Variants in FBN1 observed in about 807,000 individuals in gnomAD.
FBN1 encodes the protein fibrillin 1.
Under a neutral mutation model 365.1 loss-of-function variants are expected in FBN1, and 29 were observed. The observed-to-expected ratio is 0.08, with a 90% CI of 0.06 to 0.11. The LOEUF is 0.11. Ranked by LOEUF, FBN1 falls within the 10% of genes least tolerant of loss-of-function variation. FBN1 has a pLI of 1.00. For synonymous variants in FBN1, 1,210 were observed against 1,270.5 expected, an observed-to-expected ratio of 0.95 and a Z score of 1.01; for missense variants, 2,476 against 3,703.2, an observed-to-expected ratio of 0.67 and a Z score of 8.60.
chr15:48,643,419 A>T (rs1364084440), intron 2 of FBN1: 1 of 152,158 alleles, frequency 6.6e-6, no homozygotes, highest in Non-Finnish European at 1.5e-5. Context: ...GGCTCATACA[A>T]TCATCTTGTC....
intron 49 of FBN1, among the ~76,000 whole-genome samples, chr15:48,443,516 A>T (rs886542574): frequency 1.3e-5 from 2 of 152,220 alleles, no homozygotes; most frequent in Non-Finnish European, 2.9e-5. Context: ...TGCTTAAAAA[A>T]TTTGCATCTA....
At chr15:48,569,123 C>T (rs981478959) in intron 6 of FBN1, among the ~76,000 whole-genome samples, 1 of 152,124 alleles carries the variant, frequency 6.6e-6, no homozygotes, top group South Asian at 2.1e-4. Flanking sequence ...ACAAGGAACT[C>T]TTACAACTCA....
chr15:48,566,007 T>G (rs891298132), intron 6 of FBN1, among the ~76,000 whole-genome samples: 9 of 152,202 alleles, frequency 5.9e-5, no homozygotes, highest in African/African-American at 1.2e-4. Context: ...AACCAGAATT[T>G]TTTTCTTACC....
chr15:48,638,736 C>G (rs1597648947), intron 2 of FBN1, among the ~76,000 whole-genome samples: 2 of 151,406 alleles, frequency 1.3e-5, no homozygotes, highest in Non-Finnish European at 1.5e-5. Flanking sequence ...TATGACTGGT[C>G]GTGATTTAAG....
Position 48,508,563 on chromosome 15 carries a change from A to G in FBN1, c.1837+19T>C, listed in dbSNP as rs1427679160. 1 of 1,613,530 alleles carries G rather than the reference A, an allele frequency of 6.2e-7. No individual in the cohort carries two copies. Among genetic ancestry groups the G allele is most frequent in the African/African-American group, 1.3e-5 (1 of 74,924 alleles). ...AAAAGGCACGTGAAGAACATGATCT[A>G]GGGTTTTATAGCACGAACCTTTGCA... On this transcript the variant is annotated intron_variant, in intron 15 of 65. Transcript: ENST00000316623.
chr15:48,546,023 A>G (rs1285339603), intron 6 of FBN1, among the ~76,000 whole-genome samples: 1 of 152,132 alleles, frequency 6.6e-6, no homozygotes, highest in Non-Finnish European at 1.5e-5. Flanking sequence ...AGAAAGAAAG[A>G]AAGAAAGAAA....
Position 48,444,887 on chromosome 15 carries a change from T to G in FBN1, c.5918-227A>C, listed in dbSNP as rs975788236. On this transcript the variant is annotated intron_variant, in intron 48 of 65. Coordinates refer to ENST00000316623, the MANE Select transcript of FBN1 (RefSeq NM_000138.5). Reference sequence around the variant, plus strand: ...TTTATTTTACCTGCATCAAATTAAATGTTTCCAGAAAATTGTAGCATGTGA... The same window carrying G: ...TTTATTTTACCTGCATCAAATTAAAGGTTTCCAGAAAATTGTAGCATGTGA... Among the ~76,000 whole-genome samples the G allele has an allele frequency of 6.0e-5, 9 of 149,854 alleles. No individual in the cohort carries two copies. The East Asian group carries it at 1.8e-3, about 30-fold the overall frequency.
chr15:48,414,676 C>G (rs2042887983), intron 64 of FBN1, among the ~76,000 whole-genome samples: 2 of 152,010 alleles, frequency 1.3e-5, no homozygotes. Context: ...ACGGGCAGAT[C>G]ACGAGGTCCG....
chr15:48,567,471 C>T (rs1488711369), intron 6 of FBN1, among the ~76,000 whole-genome samples: 1 of 152,020 alleles, frequency 6.6e-6, no homozygotes, highest in Non-Finnish European at 1.5e-5. Flanking sequence ...TTTCTGTGAG[C>T]CAGGATTACC....
chr15:48,586,435 T>C (rs759594899), intron 6 of FBN1, among the ~76,000 whole-genome samples: 1 of 152,094 alleles, frequency 6.6e-6, no homozygotes. Flanking sequence ...CTAACCAGTA[T>C]AGAAAAGGGA....
chr15:48,528,170 T>C (rs2043932001), intron 8 of FBN1, among the ~76,000 whole-genome samples: 1 of 152,230 alleles, frequency 6.6e-6, no homozygotes. Context: ...CCCATTAATA[T>C]AAATGACAGC....
At chr15:48,509,055 G>T (rs367659562) in intron 14 of FBN1, among the ~76,000 whole-genome samples, 20 of 152,286 alleles carry the variant, frequency 1.3e-4, no homozygotes, top group African/African-American at 4.8e-4. Flanking sequence ...TTATTTCACA[G>T]ATTCATATTA....
chr15:48,533,970 A>G, intron 8 of FBN1, 110 bp downstream of exon 8: 1 of 1,435,456 alleles, frequency 7.0e-7, no homozygotes, highest in South Asian at 1.2e-5. Flanking sequence ...ATTCACAGGG[A>G]TGACAAAGAC....
chr15:48,494,392 TAAC>T, intron 22 of FBN1, 138 bp from the exon 23 acceptor site: 1 of 709,832 alleles, frequency 1.4e-6, no homozygotes, highest in Non-Finnish European at 2.5e-6. Flanking sequence ...AAGTATGAGA[TAAC>T]AAAATGTTTC....
chr15:48,487,323 G>T lies in FBN1; in HGVS notation c.3452C>A (p.Ser1151Tyr). Residue 1151 changes from serine to tyrosine, a missense_variant, in exon 28 of 66, where the codon TCC (serine) becomes TAC (tyrosine). This residue lies in a region of FBN1 where 1,780 missense variants were observed against 2,840.8 expected (regional missense o/e 0.63). Coordinates refer to ENST00000316623, the MANE Select transcript of FBN1 (RefSeq NM_000138.5). ...PPGHQLSPNI[S>Y]ACIDINECEL... Reference sequence around the variant, plus strand: ...GTCTTTCTCCTTACCGATACACGCGGAGATGTTGGGGGACAGCTGATGGCC... The same window carrying T: ...GTCTTTCTCCTTACCGATACACGCGTAGATGTTGGGGGACAGCTGATGGCC... 1 of 1,614,232 alleles carries T rather than the reference G, an allele frequency of 6.2e-7. No individual in the cohort carries two copies. The highest frequency in any genetic ancestry group is 2.2e-5 in the East Asian group (1 of 44,886).
rs111609067 is a variant in FBN1 at position 48,410,868 on chromosome 15, T to C, written c.*122A>G. The C allele has an allele frequency of 4.5e-5, 46 of 1,022,040 alleles. No homozygotes were observed. The African/African-American group carries it at 5.7e-4, about 13-fold the overall frequency. The allele number at this position is 1,022,040 out of a possible 1,614,324, so 63.3% of individuals were successfully genotyped here. On this transcript the variant is annotated 3_prime_UTR_variant, in exon 66 of 66. Transcript: ENST00000316623. ...TTGGTAATACAAAGAATAGTGCTTA[T>C]TTATACAAATTTACTTGGTGAAAGA...
chr15:48,525,615 T>C (rs1438770226), intron 9 of FBN1, among the ~76,000 whole-genome samples: 2 of 152,184 alleles, frequency 1.3e-5, no homozygotes, highest in African/African-American at 4.8e-5. Flanking sequence ...GGACACAGAC[T>C]GAAAACCACT....
At position 48,432,850 on chromosome 15, in the gene FBN1, G is replaced by A. The variant is rs375439292; in HGVS notation, c.6739+16C>T. 9 of 1,613,058 alleles carry A rather than the reference G, an allele frequency of 5.6e-6. No homozygotes were observed. The highest frequency in any genetic ancestry group is 7.6e-6 in the Non-Finnish European group (9 of 1,179,472). On this transcript the variant is annotated intron_variant, in intron 55 of 65. Transcript: ENST00000316623. ...AAAGCTTCCTGGCTTAGATGACCTT[G>A]AACACGATGACTCACCTTTGCACAT...
At chr15:48,437,714 A>G in intron 51 of FBN1, 54 bp downstream of exon 51, 1 of 1,590,076 alleles carries the variant, frequency 6.3e-7, no homozygotes, top group Non-Finnish European at 8.6e-7. Context: ...TACTTACATC[A>G]TGGCCAGTCT....
Sources: allele counts gnomAD v4.1 joint callset (sites outside exome capture counted in the v4.1 genomes callset), GRCh38; gene constraint gnomAD v4.1.1; regional missense constraint gnomAD v4.1.1; transcripts MANE v1.5; gene names NCBI Gene and HGNC (gene_info 2026-07-23, HGNC 2026-07-21).